Variants in TMEM132D observed in about 807,000 individuals in gnomAD.
TMEM132D encodes the protein transmembrane protein 132D, also known as mature OL transmembrane protein.
Under a neutral mutation model 62.3 loss-of-function variants are expected in TMEM132D, and 21 were observed. The observed-to-expected ratio is 0.34, with a 90% CI of 0.24 to 0.49. The LOEUF (loss-of-function observed/expected upper bound fraction) is 0.49. Among genes scored for constraint, TMEM132D ranks in the 20% least tolerant of loss-of-function variants. The pLI is 0.99. For synonymous variants in TMEM132D, 621 were observed against 575.6 expected (o/e 1.08, Z -1.13); for missense variants, 1,346 against 1,402.8 (o/e 0.96, Z 0.65).
chr12:129,145,339 T>C (rs1876862346), intron 5 of TMEM132D, among the ~76,000 whole-genome samples: 1 of 152,040 alleles, frequency 6.6e-6, no homozygotes, highest in Non-Finnish European at 1.5e-5. Flanking sequence ...TGCCCTAGAG[T>C]ACAGGTTTTT....
At chr12:129,464,380 C>T (rs1224328033) in intron 3 of TMEM132D, among the ~76,000 whole-genome samples, 1 of 152,030 alleles carries the variant, frequency 6.6e-6, no homozygotes, top group African/African-American at 2.4e-5. Context: ...AGCCCTTTGT[C>T]AGATGAGTAG....
chr12:129,707,900 T>A (rs1025116213), intron 1 of TMEM132D, among the ~76,000 whole-genome samples: 4 of 152,172 alleles, frequency 2.6e-5, no homozygotes, highest in African/African-American at 9.7e-5. Context: ...ACCTGTCATA[T>A]AATTTCATAA....
chr12:129,345,714 G>C (rs1209284756), intron 3 of TMEM132D, among the ~76,000 whole-genome samples: 1 of 152,146 alleles, frequency 6.6e-6, no homozygotes, highest in Non-Finnish European at 1.5e-5. Context: ...GCTAGACATG[G>C]TTCTGTTTAT....
At chr12:129,649,516 T>A (rs1324131586) in intron 2 of TMEM132D, among the ~76,000 whole-genome samples, 1 of 152,184 alleles carries the variant, frequency 6.6e-6, no homozygotes, top group Admixed American at 6.5e-5. Flanking sequence ...AAAATAATTA[T>A]GATAACTATA....
intron 1 of TMEM132D, among the ~76,000 whole-genome samples, chr12:129,839,075 C>T (rs7307609): frequency 0.039 from 5,330 of 136,448 alleles, 149 homozygotes; most frequent in South Asian, 0.12. Context: ...CTCGGCTTCC[C>T]AATTAGCTGG....
At chr12:129,570,442 C>A (rs1877480501) in intron 2 of TMEM132D, among the ~76,000 whole-genome samples, 1 of 152,194 alleles carries the variant, frequency 6.6e-6, no homozygotes, top group Non-Finnish European at 1.5e-5. Flanking sequence ...CCAAGAATCA[C>A]TGGGAAAGAT....
intron 2 of TMEM132D, among the ~76,000 whole-genome samples, chr12:129,533,414 C>T (rs1328866097): frequency 6.6e-6 from 1 of 152,182 alleles, no homozygotes; most frequent in Admixed American, 6.5e-5. Flanking sequence ...TACTATTATA[C>T]TAAGATGAAT....
At chr12:129,162,653 C>A (rs1877433497) in intron 5 of TMEM132D, among the ~76,000 whole-genome samples, 2 of 152,014 alleles carry the variant, frequency 1.3e-5, no homozygotes, top group African/African-American at 4.8e-5. Context: ...GAGATCCAGT[C>A]ATTTGAAACT....
chr12:129,432,144 T>TGGATGGAC (rs1872671490), intron 3 of TMEM132D, among the ~76,000 whole-genome samples: 1 of 146,362 alleles, frequency 6.8e-6, no homozygotes, highest in African/African-American at 2.6e-5. Flanking sequence ...GATGGATGGA[T>TGGATGGAC]GGATGGATGG....
Position 129,485,332 on chromosome 12 carries a change from C to G in TMEM132D, c.1115+45727G>C, listed in dbSNP as rs184073147. 2.0e-3 allele frequency among the ~76,000 whole-genome samples: 298 copies of G among 152,290 alleles called. 1 individual carries two copies. The highest frequency in any genetic ancestry group is 6.7e-3 in the African/African-American group (277 of 41,560). ...CTCCAGGAGGCATTACCTCCCCACA[C>G]TTTCAGCCTGCCCATGGATGAGCAG... On this transcript the variant is annotated intron_variant, in intron 3 of 8. Transcript: ENST00000422113.
intron 3 of TMEM132D, among the ~76,000 whole-genome samples, chr12:129,473,031 A>AT (rs1171902173): frequency 6.6e-6 from 1 of 151,950 alleles, no homozygotes; most frequent in African/African-American, 2.4e-5. Flanking sequence ...CGCCCGGCTA[A>AT]TTTTTGTATT....
intron 2 of TMEM132D, among the ~76,000 whole-genome samples, chr12:129,533,309 G>A (rs1056108020): frequency 2.0e-5 from 3 of 152,204 alleles, no homozygotes; most frequent in Non-Finnish European, 2.9e-5. Context: ...GAGACACTGG[G>A]CGAATAGTTA....
At chr12:129,174,714 A>G (rs1284093145) in intron 5 of TMEM132D, among the ~76,000 whole-genome samples, 1 of 152,132 alleles carries the variant, frequency 6.6e-6, no homozygotes, top group Non-Finnish European at 1.5e-5. Context: ...AAGTGTTCTT[A>G]TTTCTCCACA....
intron 2 of TMEM132D, among the ~76,000 whole-genome samples, chr12:129,660,157 A>AAGAG (rs560634480): frequency 8.6e-5 from 13 of 150,464 alleles, no homozygotes; most frequent in African/African-American, 2.2e-4. Context: ...TGTATTGTAA[A>AAGAG]AGAGAGAGAG....
intron 5 of TMEM132D, among the ~76,000 whole-genome samples, chr12:129,206,638 A>C (rs1236578718): frequency 6.6e-6 from 1 of 152,260 alleles, no homozygotes; most frequent in Non-Finnish European, 1.5e-5. Flanking sequence ...TTCTACCATA[A>C]AGATACATGC....
intron 2 of TMEM132D, among the ~76,000 whole-genome samples, chr12:129,691,735 A>G (rs1431561963): frequency 6.6e-6 from 1 of 152,142 alleles, no homozygotes; most frequent in African/African-American, 2.4e-5. Flanking sequence ...ACATACAACT[A>G]TAATCTTTCA....
intron 3 of TMEM132D, among the ~76,000 whole-genome samples, chr12:129,464,538 TC>T (rs1202806105): frequency 1.3e-5 from 2 of 152,212 alleles, no homozygotes; most frequent in Non-Finnish European, 2.9e-5. Flanking sequence ...AGACATGAAG[TC>T]CTTGCCCATG....
At chr12:129,727,371 C>A (rs546825370) in intron 1 of TMEM132D, among the ~76,000 whole-genome samples, 1 of 152,158 alleles carries the variant, frequency 6.6e-6, no homozygotes, top group African/African-American at 2.4e-5. Context: ...TTTCATCCTT[C>A]TGTAAGGAGC....
At chr12:129,797,843 G>T (rs186574121) in intron 1 of TMEM132D, among the ~76,000 whole-genome samples, 1 of 150,496 alleles carries the variant, frequency 6.6e-6, no homozygotes, top group Non-Finnish European at 1.5e-5. Context: ...AGGAGATTTC[G>T]GAGATACTAG....
Sources: gnomAD v4.1 joint callset for allele counts (sites outside exome capture counted in the v4.1 genomes callset) on GRCh38, gnomAD v4.1.1 for gene constraint, MANE v1.5 for transcripts, NCBI Gene and HGNC (gene_info 2026-07-23, HGNC 2026-07-21) for gene names.